LEMD3: variants seen among roughly 807,000 people sequenced by gnomAD.
The protein encoded by LEMD3 is inner nuclear membrane protein Man1.
LEMD3 carries 33 observed loss-of-function variants against 95.2 expected under a neutral mutation model. The observed-to-expected ratio is 0.35, with a 90% CI of 0.26 to 0.46. The LOEUF (loss-of-function observed/expected upper bound fraction) is 0.46. LEMD3 is among the 20% of genes least tolerant of loss of function. The pLI is 1.00. For missense variants in LEMD3, 1,210 were observed against 1,192.8 expected, an observed-to-expected ratio of 1.01 and a Z score of -0.21; for synonymous variants, 525 against 474.6, an observed-to-expected ratio of 1.11 and a Z score of -1.38.
intron 1 of LEMD3, among the ~76,000 whole-genome samples, chr12:65,206,954 A>G (rs1394561688): frequency 2.6e-5 from 4 of 152,116 alleles, no homozygotes; most frequent in African/African-American, 9.7e-5. Flanking sequence ...TATGCTTTGG[A>G]GTCAGACATA....
Position 65,170,254 on chromosome 12 carries a change from G to C in LEMD3, c.658G>C (p.Glu220Gln). Residue 220 changes from glutamate (E) to glutamine (Q), a missense_variant, in exon 1 of 13, where the codon GAG becomes CAG. By Grantham distance (29) the Glu-to-Gln change is conservative. This residue lies in a region of LEMD3 where 749 missense variants were observed against 622.9 expected (regional missense o/e 1.20). Transcript: ENST00000308330. ...PPGKDGAVED[E>Q]EGEGEDGEER... ...GGGGAAAGATGGAGCAGTGGAGGACGAGGAAGGGGAGGGAGAGGACGGTGA... is the reference window on the plus strand; with the variant it reads ...GGGGAAAGATGGAGCAGTGGAGGACCAGGAAGGGGAGGGAGAGGACGGTGA... The C allele has an allele frequency of 6.4e-7, 1 of 1,553,794 alleles. No homozygotes were observed.
chr12:65,179,576 T>G (rs1407382084), intron 1 of LEMD3, among the ~76,000 whole-genome samples: 1 of 152,170 alleles, frequency 6.6e-6, no homozygotes, highest in Non-Finnish European at 1.5e-5. Flanking sequence ...TTGTGAAAAT[T>G]TTATTACTAA....
chr12:65,219,277 A>C (rs1870208896), intron 4 of LEMD3, among the ~76,000 whole-genome samples: 2 of 152,186 alleles, frequency 1.3e-5, no homozygotes, highest in African/African-American at 2.4e-5. Context: ...ATACTAAGAG[A>C]ACTTGCTGTT....
At position 65,170,514 on chromosome 12, in the gene LEMD3, G is replaced by T. The variant is rs1212082150; in HGVS notation, c.918G>T (p.Leu306=). Reference sequence around the variant, plus strand: ...CTGCTAAATCGGCCGGCGGCAGGCTGGAGACTTCAGTTCAGGGAGGGGGAG... The same window carrying T: ...CTGCTAAATCGGCCGGCGGCAGGCTTGAGACTTCAGTTCAGGGAGGGGGAG... ...PLTAKSAGGR[L]ETSVQGGGGL... Residue 306 remains leucine (L), a synonymous_variant, in exon 1 of 13, where the codon CTG becomes CTT. Coordinates refer to ENST00000308330, the MANE Select transcript of LEMD3 (RefSeq NM_014319.5). 1 of 1,614,002 alleles carries T rather than the reference G, an allele frequency of 6.2e-7. No homozygotes were observed. The highest frequency in any genetic ancestry group is 1.3e-5 in the African/African-American group (1 of 74,914).
At chr12:65,186,779 G>C (rs1869081042) in intron 1 of LEMD3, among the ~76,000 whole-genome samples, 1 of 151,786 alleles carries the variant, frequency 6.6e-6, no homozygotes, top group Non-Finnish European at 1.5e-5. Context: ...CAGGAGTTAA[G>C]TAAGTAAAAA....
rs1868488918 is a variant in LEMD3, at chr12:65,170,355, C to T, written c.759C>T (p.Ser253=). ...TVNGSRLVPY[S]CRENYSDSEE... is the part of the protein sequence containing the mutation. ...ATGGCAGCCGGCTTGTCCCCTACAGCTGCCGGGAAAACTATTCGGACTCAG... is the reference window on the plus strand; with the variant it reads ...ATGGCAGCCGGCTTGTCCCCTACAGTTGCCGGGAAAACTATTCGGACTCAG... The change falls in exon 1 of 13, where the codon AGC becomes AGT. Residue 253 remains serine, a synonymous_variant. Transcript: ENST00000308330. 1.2e-6 allele frequency: 2 copies of T among 1,611,048 alleles called. No individual in the cohort carries two copies. Among genetic ancestry groups the T allele is most frequent in the Admixed American group, 3.4e-5 (2 of 59,588 alleles).
At chr12:65,216,597 A>C (rs1870117966) in intron 3 of LEMD3, among the ~76,000 whole-genome samples, 1 of 151,902 alleles carries the variant, frequency 6.6e-6, no homozygotes, top group South Asian at 2.1e-4. Flanking sequence ...TGTAAACTGC[A>C]GTAGCAGCTT....
chr12:65,240,301 A>G (rs751268424), intron 8 of LEMD3, 63 bp downstream of exon 8: 79 of 1,195,882 alleles, frequency 6.6e-5, no homozygotes, highest in Non-Finnish European at 8.9e-5. Flanking sequence ...TGCAGTATTG[A>G]AAATTATATT....
chr12:65,245,297 A>AT (rs531377376), intron 10 of LEMD3: 47,541 of 170,064 alleles, frequency 0.28, 6,118 homozygotes, highest in Admixed American at 0.35. Flanking sequence ...CGCCTGGCTA[A>AT]TTTTTTTTTT....
At position 65,169,699 on chromosome 12, in the gene LEMD3, A is replaced by C. The variant is rs1592423853; in HGVS notation, c.103A>C (p.Thr35Pro). Residue 35 changes from threonine (T) to proline (P), a missense_variant, in exon 1 of 13, where the codon ACC becomes CCC. This residue lies in a region of LEMD3 where 749 missense variants were observed against 622.9 expected (regional missense o/e 1.20). Coordinates refer to ENST00000308330, the MANE Select transcript of LEMD3 (RefSeq NM_014319.5). ...GLSPGPVTES[T>P]RPVYLKKLKK... is the part of the protein sequence containing the mutation. ...GTCTCCCGGACCAGTGACGGAGAGC[A>C]CCCGCCCGGTCTACCTCAAGAAGCT... 1.3e-6 allele frequency: 2 copies of C among 1,583,594 alleles called. No individual in the cohort carries two copies. The highest frequency in any genetic ancestry group is 1.7e-6 in the Non-Finnish European group (2 of 1,165,646).
chr12:65,185,918 T>A (rs1443744119), intron 1 of LEMD3, among the ~76,000 whole-genome samples: 1 of 152,014 alleles, frequency 6.6e-6, no homozygotes, highest in African/African-American at 2.4e-5. Flanking sequence ...CCTTGGAGTT[T>A]TCTATCTCTC....
intron 10 of LEMD3, among the ~76,000 whole-genome samples, chr12:65,243,830 C>T (rs1019471101): frequency 1.3e-5 from 2 of 152,126 alleles, no homozygotes; most frequent in Non-Finnish European, 1.5e-5. Flanking sequence ...AATATAGATA[C>T]AATCACTGCT....
intron 1 of LEMD3, among the ~76,000 whole-genome samples, chr12:65,194,947 A>G (rs1869384474): frequency 6.6e-6 from 1 of 151,100 alleles, no homozygotes; most frequent in East Asian, 2.0e-4. Context: ...TGTAATCTAA[A>G]TTTCTCCCAA....
intron 9 of LEMD3, among the ~76,000 whole-genome samples, chr12:65,242,227 T>C (rs1347560644): frequency 2.6e-5 from 4 of 152,194 alleles, no homozygotes; most frequent in Admixed American, 6.5e-5. Flanking sequence ...CTGTTTTTTT[T>C]CTCCTACCTC....
chr12:65,203,532 T>G (rs1407501911), intron 1 of LEMD3, among the ~76,000 whole-genome samples: 5 of 152,222 alleles, frequency 3.3e-5, no homozygotes, highest in Non-Finnish European at 7.3e-5. Context: ...ATTTTAAATT[T>G]GTTATGGCAT....
intron 2 of LEMD3, among the ~76,000 whole-genome samples, chr12:65,213,676 T>C (rs1404919230): frequency 6.6e-6 from 1 of 152,232 alleles, no homozygotes; most frequent in African/African-American, 2.4e-5. Context: ...CTTCTATTTA[T>C]CTAGTCCAAT....
intron 4 of LEMD3, among the ~76,000 whole-genome samples, chr12:65,228,348 A>G (rs968419729): frequency 6.7e-6 from 1 of 148,152 alleles, no homozygotes; most frequent in Admixed American, 6.9e-5. Flanking sequence ...ATATTAATGA[A>G]CTGTAGCTTT....
At chr12:65,174,727 A>T (rs1868662854) in intron 1 of LEMD3, among the ~76,000 whole-genome samples, 1 of 152,168 alleles carries the variant, frequency 6.6e-6, no homozygotes, top group Non-Finnish European at 1.5e-5. Flanking sequence ...TATTTTAAGC[A>T]GCAGGGATAT....
chr12:65,229,786 A>C (rs1870567044), intron 4 of LEMD3, among the ~76,000 whole-genome samples: 1 of 152,124 alleles, frequency 6.6e-6, no homozygotes. Context: ...CCATTCTACT[A>C]GTCATCTCTT....
Sources: allele counts gnomAD v4.1 joint callset (sites outside exome capture counted in the v4.1 genomes callset), GRCh38; gene constraint gnomAD v4.1.1; regional missense constraint gnomAD v4.1.1; transcripts MANE v1.5; gene names NCBI Gene and HGNC (gene_info 2026-07-23, HGNC 2026-07-21).